Variants in BBS9 observed in about 807,000 individuals in gnomAD.
BBS9 encodes the protein protein PTHB1.
BBS9 carries 89 observed loss-of-function variants against 117.7 expected under a neutral mutation model. The ratio of observed to expected loss-of-function variants is 0.76; its 90% CI spans 0.64 to 0.90. The LOEUF (loss-of-function observed/expected upper bound fraction) is 0.90, where lower values mean the gene tolerates loss of function less well. BBS9 is among the 40% of genes least tolerant of loss of function. The pLI, the probability that BBS9 is intolerant of heterozygous loss-of-function variation, is 0.00. For missense variants in BBS9, 982 were observed against 1,042.2 expected, an observed-to-expected ratio of 0.94 and a Z score of 0.80; for synonymous variants, 379 against 370.9, an observed-to-expected ratio of 1.02 and a Z score of -0.25.
chr7:33,585,090 A>G (rs1860661622), intron 21 of BBS9, among the ~76,000 whole-genome samples: 1 of 152,058 alleles, frequency 6.6e-6, no homozygotes. Context: ...CTAATGAGCC[A>G]CTTTCTCTCC....
chr7:33,559,873 A>G (rs1339066882), intron 21 of BBS9, among the ~76,000 whole-genome samples: 2 of 152,078 alleles, frequency 1.3e-5, no homozygotes, highest in East Asian at 3.9e-4. Context: ...AGAAGGATGC[A>G]TATTCTCCTT....
intron 9 of BBS9, among the ~76,000 whole-genome samples, chr7:33,313,036 G>GGT (rs5883397): frequency 0.017 from 2,551 of 148,012 alleles, 41 homozygotes; most frequent in African/African-American, 0.042. Flanking sequence ...TGTACTCTGT[G>GGT]GTGTGTGTGT....
intron 21 of BBS9, among the ~76,000 whole-genome samples, chr7:33,630,056 AT>A (rs34994605): frequency 0.3 from 45,529 of 151,462 alleles, 8,272 homozygotes; most frequent in African/African-American, 0.5. Flanking sequence ...TACTATTTAC[AT>A]TTTTTTTTGT....
chr7:33,449,884 G>A (rs1021907654), intron 19 of BBS9, among the ~76,000 whole-genome samples: 1 of 151,980 alleles, frequency 6.6e-6, no homozygotes, highest in Non-Finnish European at 1.5e-5. Flanking sequence ...AGACACACAC[G>A]ACATAAAATT....
At chr7:33,485,143 G>A (rs940385384) in intron 19 of BBS9, among the ~76,000 whole-genome samples, 1 of 152,090 alleles carries the variant, frequency 6.6e-6, no homozygotes, top group African/African-American at 2.4e-5. Flanking sequence ...GGGACCTGTC[G>A]TGGGGATAGC....
chr7:33,267,636 T>C (rs1799048454), intron 7 of BBS9, among the ~76,000 whole-genome samples: 1 of 152,180 alleles, frequency 6.6e-6, no homozygotes, highest in African/African-American at 2.4e-5. Context: ...ATGCTTCTGT[T>C]TCCTACCTTC....
intron 4 of BBS9, among the ~76,000 whole-genome samples, chr7:33,162,014 G>C (rs1218677924): frequency 1.3e-5 from 2 of 152,238 alleles, no homozygotes; most frequent in South Asian, 2.1e-4. Context: ...GTAGATTCTG[G>C]ATATTAGCCC....
intron 21 of BBS9, among the ~76,000 whole-genome samples, chr7:33,535,203 G>C (rs1014086955): frequency 2.1e-4 from 32 of 152,144 alleles, no homozygotes; most frequent in Admixed American, 1.6e-3. Context: ...ATGACCCTGA[G>C]TATGTTACTT....
At chr7:33,149,814 A>G (rs1205139624) in intron 2 of BBS9, among the ~76,000 whole-genome samples, 1 of 152,210 alleles carries the variant, frequency 6.6e-6, no homozygotes, top group African/African-American at 2.4e-5. Context: ...ATAGTCGTAC[A>G]TATACATTTT....
chr7:33,261,254 T>C (rs1797937463), intron 6 of BBS9, among the ~76,000 whole-genome samples: 1 of 152,208 alleles, frequency 6.6e-6, no homozygotes, highest in Non-Finnish European at 1.5e-5. Flanking sequence ...TAGGTATTAC[T>C]TATGCTTTCA....
At chr7:33,632,691 C>G (rs1374625879) in intron 21 of BBS9, among the ~76,000 whole-genome samples, 2 of 152,172 alleles carry the variant, frequency 1.3e-5, no homozygotes, top group African/African-American at 4.8e-5. Context: ...CCCACCCCTC[C>G]CGCCAGTCTC....
intron 21 of BBS9, among the ~76,000 whole-genome samples, chr7:33,628,334 G>A (rs1166670890): frequency 1.3e-5 from 2 of 152,176 alleles, no homozygotes; most frequent in African/African-American, 2.4e-5. Context: ...AGCAATATAT[G>A]AAAAGGATAA....
intron 6 of BBS9, among the ~76,000 whole-genome samples, chr7:33,260,859 T>TC (rs1797870832): frequency 6.6e-6 from 1 of 152,182 alleles, no homozygotes; most frequent in Non-Finnish European, 1.5e-5. Context: ...TTTCTCTCCT[T>TC]CTGTCTGCTA....
intron 5 of BBS9, among the ~76,000 whole-genome samples, chr7:33,230,937 G>A (rs941692346): frequency 1.3e-5 from 2 of 152,152 alleles, no homozygotes; most frequent in Admixed American, 1.3e-4. Flanking sequence ...TAGATACCCA[G>A]GATAGTGGGA....
chr7:33,195,497 A>G (rs1784793808), intron 5 of BBS9, among the ~76,000 whole-genome samples: 1 of 152,094 alleles, frequency 6.6e-6, no homozygotes, highest in South Asian at 2.1e-4. Flanking sequence ...TTATTTCTCA[A>G]TATGCTGGTG....
At chr7:33,296,164 A>G (rs1383241791) in intron 9 of BBS9, among the ~76,000 whole-genome samples, 7 of 152,154 alleles carry the variant, frequency 4.6e-5, no homozygotes, top group Admixed American at 4.6e-4. Flanking sequence ...AAAACCCAAA[A>G]TAGATTACTT....
intron 1 of BBS9, among the ~76,000 whole-genome samples, chr7:33,145,583 G>A (rs563885871): frequency 1.4e-3 from 216 of 152,256 alleles, no homozygotes; most frequent in Middle Eastern, 6.8e-3. Context: ...AGTACCTATA[G>A]CATACCAGTT....
chr7:33,313,868 A>G (rs2128558907), intron 9 of BBS9, among the ~76,000 whole-genome samples: 1 of 152,256 alleles, frequency 6.6e-6, no homozygotes, highest in African/African-American at 2.4e-5. Context: ...AAAAATGTCT[A>G]CTCTTGAGAA....
At chr7:33,550,398 C>T (rs1854207581) in intron 21 of BBS9, among the ~76,000 whole-genome samples, 1 of 152,088 alleles carries the variant, frequency 6.6e-6, no homozygotes, top group South Asian at 2.1e-4. Context: ...TTTTATATTG[C>T]ATTATTTTTA....
Sources: gnomAD v4.1 joint callset for allele counts (sites outside exome capture counted in the v4.1 genomes callset) on GRCh38, gnomAD v4.1.1 for gene constraint, MANE v1.5 for transcripts, NCBI Gene and HGNC (gene_info 2026-07-23, HGNC 2026-07-21) for gene names.